Variants in TM4SF20 observed in about 807,000 individuals in gnomAD.
The protein encoded by TM4SF20 is transmembrane 4 L six family member 20.
Under a neutral mutation model 15.1 loss-of-function variants are expected in TM4SF20, and 13 were observed. The observed-to-expected ratio is 0.86, with a 90% CI of 0.56 to 1.36. The LOEUF is 1.36. Among genes scored for constraint, TM4SF20 ranks in the 40% most tolerant of loss-of-function variants. TM4SF20 has a pLI of 0.00. For synonymous variants in TM4SF20, 92 were observed against 96.6 expected (o/e 0.95, Z 0.28); for missense variants, 282 against 268.4 (o/e 1.05, Z -0.35).
intron 1 of TM4SF20, among the ~76,000 whole-genome samples, chr2:227,377,153 GA>G (rs1293342873): frequency 6.6e-6 from 1 of 152,024 alleles, no homozygotes; most frequent in Non-Finnish European, 1.5e-5. Flanking sequence ...ATTTGTGGCA[GA>G]GCCAATTTAT....
chr2:227,375,238 T>A (rs1363066429), intron 1 of TM4SF20, among the ~76,000 whole-genome samples: 1 of 151,848 alleles, frequency 6.6e-6, no homozygotes, highest in Non-Finnish European at 1.5e-5. Context: ...AAAAAAAATT[T>A]AAGATAAGCT....
chr2:227,366,705 C>A (rs2076394862), intron 2 of TM4SF20, among the ~76,000 whole-genome samples: 2 of 83,980 alleles, frequency 2.4e-5, no homozygotes, highest in Admixed American at 2.0e-4. Context: ...GGTGACAGAG[C>A]AAGACTCTGT....
rs935329607 is a variant in TM4SF20 at position 227,378,376 on chromosome 2, C to T, written c.183+710G>A. Among the ~76,000 whole-genome samples, 18 of 152,152 alleles carry T rather than the reference C, an allele frequency of 1.2e-4. No individual in the cohort carries two copies. In the South Asian group the frequency reaches 1.7e-3, roughly 14 times the overall value. ...CACCCAGAATTCTCAGGAGAAAATC[C>T]GTAAATCTAACTATTGCAAGTGCCT... On this transcript the variant is annotated intron_variant, in intron 1 of 3. Transcript: ENST00000304568.
intron 1 of TM4SF20, among the ~76,000 whole-genome samples, chr2:227,373,904 G>A (rs969997738): frequency 7.1e-5 from 10 of 140,864 alleles, no homozygotes; most frequent in Admixed American, 1.5e-4. Flanking sequence ...ACTCCAGCCT[G>A]GTGACAGAGC....
In TM4SF20 at chr2:227,379,096, G is replaced by T. The variant is rs769790565; in HGVS notation, c.173C>A (p.Ala58Glu). 2 of 1,614,108 alleles carry T rather than the reference G, an allele frequency of 1.2e-6. No individual in the cohort carries two copies. The highest frequency in any genetic ancestry group is 1.7e-6 in the Non-Finnish European group (2 of 1,179,994). Residue 58 changes from alanine (A) to glutamate (E), a missense_variant, in exon 1 of 4, where the codon GCA becomes GAA. Ala to Glu is a moderately radical substitution (Grantham distance 107, BLOSUM62 -1). Coordinates refer to ENST00000304568, the MANE Select transcript of TM4SF20 (RefSeq NM_024795.4). ...FEWWFPGIIG[A>E]GLMAIPATTM... ...ATAAATATCACTCACCATCAGACCT[G>T]CTCCTATAATTCCTGGGAACCACCA...
intron 1 of TM4SF20, among the ~76,000 whole-genome samples, chr2:227,371,979 G>T (rs1374740138): frequency 6.6e-6 from 1 of 152,208 alleles, no homozygotes; most frequent in East Asian, 1.9e-4. Flanking sequence ...TCAATTTTTA[G>T]TATATCTAGG....
chr2:227,380,609 T>A (rs1205952981), upstream of TM4SF20, among the ~76,000 whole-genome samples: 2 of 152,164 alleles, frequency 1.3e-5, no homozygotes, highest in East Asian at 1.9e-4. Flanking sequence ...TTCAAGTGGG[T>A]GGAAATACAA....
upstream of TM4SF20, among the ~76,000 whole-genome samples, chr2:227,380,352 G>C (rs974873044): frequency 1.3e-5 from 2 of 152,086 alleles, no homozygotes; most frequent in African/African-American, 4.8e-5. Flanking sequence ...CAATACAAAA[G>C]TTCTTGCTTA....
chr2:227,364,818 G>A (rs188370966), intron 3 of TM4SF20, among the ~76,000 whole-genome samples: 2 of 152,338 alleles, frequency 1.3e-5, no homozygotes. Flanking sequence ...CTGGTACATT[G>A]TGGGCTGTTG....
At position 227,366,196 on chromosome 2, in the gene TM4SF20, A is replaced by G. The variant is rs2076392059; in HGVS notation, c.298T>C (p.Tyr100His). Residue 100 changes from tyrosine to histidine, a missense_variant, in exon 3 of 4, where the codon TAT becomes CAT. Tyr to His is a moderately conservative substitution (Grantham distance 83). Transcript: ENST00000304568. ...FSVITVIGALYCMLISIQALL... is the reference protein window; with the variant it reads ...FSVITVIGALHCMLISIQALL... The stretch of plus-strand genomic sequence containing the variant: ...GCCTGGATGGATATCAGCATGCAAT[A>G]CAGAGCACCAATGACTGTGATCACA... The G allele has an allele frequency of 6.2e-7, 1 of 1,613,990 alleles. No individual in the cohort carries two copies.
intron 2 of TM4SF20, among the ~76,000 whole-genome samples, chr2:227,369,912 TACTA>T (rs2076412320): frequency 6.6e-6 from 1 of 152,184 alleles, no homozygotes; most frequent in African/African-American, 2.4e-5. Context: ...AAAATCCACT[TACTA>T]GTGTGCTACA....
intron 3 of TM4SF20, 31 bp from the exon 4 acceptor site, chr2:227,364,043 C>A: frequency 1.3e-6 from 2 of 1,585,704 alleles, no homozygotes; most frequent in South Asian, 1.1e-5. Context: ...ATCAGATATT[C>A]AGAAATATCC....
At chr2:227,371,377 C>G (rs1418765571) in intron 1 of TM4SF20, among the ~76,000 whole-genome samples, 1 of 152,202 alleles carries the variant, frequency 6.6e-6, no homozygotes, top group Non-Finnish European at 1.5e-5. Flanking sequence ...GTCTCACTCT[C>G]TTACCCAGGC....
At chr2:227,372,508 G>T (rs776040237) in intron 1 of TM4SF20, among the ~76,000 whole-genome samples, 1 of 152,222 alleles carries the variant, frequency 6.6e-6, no homozygotes, top group East Asian at 1.9e-4. Context: ...GCTGGGCGAG[G>T]TGGTGCACAC....
chr2:227,371,117 G>A (rs2076419584), intron 1 of TM4SF20, 137 bp from the exon 2 acceptor site: 15 of 765,834 alleles, frequency 2.0e-5, no homozygotes, highest in South Asian at 1.3e-4. Flanking sequence ...GGCAATATCC[G>A]TGGTTTTGTG....
At chr2:227,371,888 A>C (rs972146925) in intron 1 of TM4SF20, among the ~76,000 whole-genome samples, 1 of 152,244 alleles carries the variant, frequency 6.6e-6, no homozygotes, top group African/African-American at 2.4e-5. Flanking sequence ...AGAAATCTAT[A>C]GATCGCATTC....
intron 2 of TM4SF20, among the ~76,000 whole-genome samples, chr2:227,367,269 G>A (rs1443773928): frequency 6.6e-6 from 1 of 152,176 alleles, no homozygotes. Context: ...GAGAGCCACT[G>A]TGTTAGAAAG....
At chr2:227,372,273 A>G (rs540458295) in intron 1 of TM4SF20, among the ~76,000 whole-genome samples, 8 of 152,192 alleles carry the variant, frequency 5.3e-5, no homozygotes, top group African/African-American at 1.7e-4. Context: ...CCATTTTACC[A>G]ATGAGAAAAC....
chr2:227,379,372 T>C (rs2076469141), upstream of TM4SF20: 3 of 1,013,792 alleles, frequency 3.0e-6, no homozygotes, highest in Non-Finnish European at 4.3e-6. Flanking sequence ...TAATAAAAAA[T>C]GAATAGTGGA....
Sources: allele counts gnomAD v4.1 joint callset (sites outside exome capture counted in the v4.1 genomes callset), GRCh38; gene constraint gnomAD v4.1.1; transcripts MANE v1.5; gene names NCBI Gene and HGNC (gene_info 2026-07-23, HGNC 2026-07-21).